DPYD: variants seen among roughly 807,000 people sequenced by gnomAD.
DPYD encodes dihydropyrimidine dehydrogenase [NADP(+)].
In DPYD, 109 loss-of-function variants were observed where a neutral mutation model predicts 116.2. The observed-to-expected ratio is 0.94, with a 90% CI of 0.80 to 1.10. DPYD has a LOEUF of 1.10. DPYD is among the 50% of genes least tolerant of loss of function. The probability of loss-of-function intolerance (pLI) is 0.00; values close to 1 mark genes in which losing one functional copy is unlikely to be tolerated. For synonymous variants in DPYD, 440 were observed against 432.0 expected (o/e 1.02, Z -0.23); for missense variants, 1,302 against 1,254.5 (o/e 1.04, Z -0.57).
intron 18 of DPYD, among the ~76,000 whole-genome samples, chr1:97,283,077 C>G (rs764316379): frequency 6.6e-6 from 1 of 151,856 alleles, no homozygotes; most frequent in Non-Finnish European, 1.5e-5. Flanking sequence ...TAAACATACA[C>G]CTATCTTTTT....
rs1213637328 is a variant in DPYD at position 97,777,222 on chromosome 1, T to A, written c.234-36743A>T. 3.9e-5 allele frequency among the ~76,000 whole-genome samples: 6 copies of A among 152,192 alleles called. No individual in the cohort carries two copies. In the East Asian group the frequency reaches 1.2e-3, roughly 29 times the overall value. On this transcript the variant is annotated intron_variant, in intron 3 of 22. Coordinates refer to ENST00000370192, the MANE Select transcript of DPYD (RefSeq NM_000110.4). ...TTATAACATTAAAACTTTTAAAAAA[T>A]TAATATACTCCAGGCTTTTAAATGT...
chr1:97,715,842 C>G (rs1457604938), intron 5 of DPYD, among the ~76,000 whole-genome samples: 1 of 152,002 alleles, frequency 6.6e-6, no homozygotes, highest in Admixed American at 6.6e-5. Flanking sequence ...CACAGAAATA[C>G]ATTATTTCAG....
At chr1:97,319,236 C>G (rs2101093377) in intron 16 of DPYD, among the ~76,000 whole-genome samples, 1 of 150,242 alleles carries the variant, frequency 6.7e-6, no homozygotes, top group East Asian at 2.0e-4. Flanking sequence ...AAAATCAGAG[C>G]ACAACTGAAG....
chr1:97,327,418 T>C (rs570874313), intron 16 of DPYD, among the ~76,000 whole-genome samples: 1 of 152,180 alleles, frequency 6.6e-6, no homozygotes, highest in South Asian at 2.1e-4. Context: ...CATTATATTT[T>C]TCAAATGTTA....
At chr1:97,581,341 A>AT (rs2102211293) in intron 10 of DPYD, among the ~76,000 whole-genome samples, 1 of 150,844 alleles carries the variant, frequency 6.6e-6, no homozygotes, top group South Asian at 2.1e-4. Flanking sequence ...AAAAAAAAAA[A>AT]AAAAAAAAAA....
chr1:97,819,397 A>G (rs1215612131), intron 3 of DPYD, among the ~76,000 whole-genome samples: 1 of 151,940 alleles, frequency 6.6e-6, no homozygotes, highest in Non-Finnish European at 1.5e-5. Flanking sequence ...AAGTAGTTAA[A>G]ATATACCCTT....
chr1:97,459,988 A>G (rs1470059851), intron 13 of DPYD, among the ~76,000 whole-genome samples: 1 of 152,190 alleles, frequency 6.6e-6, no homozygotes, highest in Non-Finnish European at 1.5e-5. Flanking sequence ...AGAAAGGAAT[A>G]TAATTGAGGA....
At chr1:97,754,456 C>T (rs549724362) in intron 3 of DPYD, among the ~76,000 whole-genome samples, 20 of 152,302 alleles carry the variant, frequency 1.3e-4, no homozygotes, top group African/African-American at 4.3e-4. Flanking sequence ...CATAAGAGCA[C>T]TGACAATGCT....
rs551538792 is a variant in DPYD at position 97,719,395 on chromosome 1, T to C, written c.483+2115A>G. Among the ~76,000 whole-genome samples, 8 of 152,088 alleles carry C rather than the reference T, an allele frequency of 5.3e-5. No individual in the cohort carries two copies. In the South Asian group the frequency reaches 1.5e-3, roughly 28 times the overall value. ...AATTTTGAAAAATACCATACTATTG[T>C]AATCTGCTTTCCTAACCTTTGCTTA... On this transcript the variant is annotated intron_variant, in intron 5 of 22. Coordinates refer to ENST00000370192, the MANE Select transcript of DPYD (RefSeq NM_000110.4).
intron 18 of DPYD, among the ~76,000 whole-genome samples, chr1:97,299,519 C>T (rs1175677455): frequency 6.6e-6 from 1 of 152,024 alleles, no homozygotes; most frequent in Non-Finnish European, 1.5e-5. Context: ...CATTTATCTG[C>T]AGGACAATAG....
intron 21 of DPYD, among the ~76,000 whole-genome samples, chr1:97,085,731 A>G (rs533350761): frequency 6.6e-6 from 1 of 152,332 alleles, no homozygotes; most frequent in East Asian, 1.9e-4. Flanking sequence ...AGTAAGTCAC[A>G]TATGGCTAGT....
intron 20 of DPYD, among the ~76,000 whole-genome samples, chr1:97,108,616 A>T (rs536729892): frequency 1.3e-4 from 20 of 152,272 alleles, no homozygotes; most frequent in African/African-American, 4.8e-4. Flanking sequence ...AAAACTAAAG[A>T]TATTGTAGCT....
chr1:97,206,150 A>G (rs1282186157), intron 19 of DPYD, among the ~76,000 whole-genome samples: 3 of 151,914 alleles, frequency 2.0e-5, no homozygotes, highest in African/African-American at 7.3e-5. Flanking sequence ...CACTCCTCCA[A>G]GGGTCTTTCA....
intron 4 of DPYD, among the ~76,000 whole-genome samples, chr1:97,735,722 AT>A (rs879630670): frequency 0.019 from 2,916 of 149,956 alleles, 51 homozygotes; most frequent in Non-Finnish European, 0.031. Context: ...AAATAAATAA[AT>A]AAATAAAACA....
intron 14 of DPYD, among the ~76,000 whole-genome samples, chr1:97,428,256 T>TAAA (rs1355842308): frequency 6.6e-6 from 1 of 152,138 alleles, no homozygotes; most frequent in African/African-American, 2.4e-5. Flanking sequence ...TTCAAGATCA[T>TAAA]GGTACAGTAT....
At chr1:97,677,507 A>G (rs1286049587) in intron 8 of DPYD, among the ~76,000 whole-genome samples, 1 of 152,188 alleles carries the variant, frequency 6.6e-6, no homozygotes, top group African/African-American at 2.4e-5. Context: ...TTTACATTAA[A>G]TTATCAATAC....
At chr1:97,360,279 G>A (rs1305425651) in intron 16 of DPYD, among the ~76,000 whole-genome samples, 1 of 152,138 alleles carries the variant, frequency 6.6e-6, no homozygotes, top group South Asian at 2.1e-4. Context: ...CAATACAGGA[G>A]CACCCAGATT....
chr1:97,613,617 T>A (rs1182673549), intron 8 of DPYD, among the ~76,000 whole-genome samples: 1 of 152,032 alleles, frequency 6.6e-6, no homozygotes, highest in Non-Finnish European at 1.5e-5. Flanking sequence ...ATTTGTTCAA[T>A]ATATATTTAC....
intron 8 of DPYD, among the ~76,000 whole-genome samples, chr1:97,671,145 T>C (rs1659840330): frequency 6.6e-6 from 1 of 152,070 alleles, no homozygotes; most frequent in Non-Finnish European, 1.5e-5. Flanking sequence ...AATTATCTCC[T>C]TTTTTACAAT....
Sources: gnomAD v4.1 joint callset for allele counts (sites outside exome capture counted in the v4.1 genomes callset) on GRCh38, gnomAD v4.1.1 for gene constraint, MANE v1.5 for transcripts, NCBI Gene and HGNC (gene_info 2026-07-23, HGNC 2026-07-21) for gene names.